GBE1: variants seen among roughly 807,000 people sequenced by gnomAD.
GBE1 encodes 1,4-alpha-glucan-branching enzyme.
GBE1 carries 70 observed loss-of-function variants against 88.8 expected under a neutral mutation model. That is an observed-to-expected ratio of 0.79 (90% CI 0.65 to 0.96). The LOEUF is 0.96. GBE1 is among the 40% of genes least tolerant of loss of function. GBE1 has a pLI of 0.00. For synonymous variants in GBE1, 284 were observed against 300.1 expected, an observed-to-expected ratio of 0.95 and a Z score of 0.56; for missense variants, 872 against 871.0, an observed-to-expected ratio of 1.00 and a Z score of -0.01.
At chr3:81,575,175 A>T (rs553681566) in intron 12 of GBE1, among the ~76,000 whole-genome samples, 230 of 152,152 alleles carry the variant, frequency 1.5e-3, no homozygotes, top group African/African-American at 5.2e-3. Context: ...AAAAAAAAAA[A>T]AAAAAGTAGA....
intron 12 of GBE1, among the ~76,000 whole-genome samples, chr3:81,573,129 C>G (rs1466867702): frequency 6.6e-6 from 1 of 151,996 alleles, no homozygotes; most frequent in Non-Finnish European, 1.5e-5. Flanking sequence ...ACCATTAATA[C>G]TAGTTCTAAC....
chr3:81,689,414 C>T (rs1705486572), intron 2 of GBE1, among the ~76,000 whole-genome samples: 1 of 152,114 alleles, frequency 6.6e-6, no homozygotes, highest in South Asian at 2.1e-4. Context: ...AGGGCAATTC[C>T]GTTAAAATAA....
intron 1 of GBE1, among the ~76,000 whole-genome samples, chr3:81,759,731 C>T (rs1559711847): frequency 6.6e-6 from 1 of 152,098 alleles, no homozygotes; most frequent in Non-Finnish European, 1.5e-5. Flanking sequence ...TTGTTCCCTT[C>T]ATTAGTTTTG....
chr3:81,497,857 C>T (rs899855436), intron 15 of GBE1, among the ~76,000 whole-genome samples: 5 of 152,136 alleles, frequency 3.3e-5, no homozygotes, highest in South Asian at 2.1e-4. Context: ...TGGTAATATT[C>T]GTATTCACTT....
chr3:81,659,891 T>G (rs1045129822), intron 3 of GBE1, among the ~76,000 whole-genome samples: 1 of 152,232 alleles, frequency 6.6e-6, no homozygotes, highest in Non-Finnish European at 1.5e-5. Context: ...AATGATGAGA[T>G]GAATTCCTCT....
chr3:81,512,168 A>C lies in GBE1; in HGVS notation c.1935-12941T>G, dbSNP rs549099648. On this transcript the variant is annotated intron_variant, in intron 14 of 15. Transcript: ENST00000429644. ...TGGGTACACATGAACATAAAGATGG[A>C]AACAATAGATACTGGGGATTACTAG... Among the ~76,000 whole-genome samples the C allele has an allele frequency of 5.9e-5, 9 of 152,020 alleles. No individual in the cohort carries two copies. In the South Asian group the frequency reaches 1.9e-3, roughly 31 times the overall value.
intron 12 of GBE1, among the ~76,000 whole-genome samples, chr3:81,575,959 T>C (rs1025275886): frequency 2.0e-5 from 3 of 152,182 alleles, no homozygotes; most frequent in African/African-American, 7.2e-5. Context: ...TCTCTTACTA[T>C]TTCTAGTTTT....
intron 14 of GBE1, among the ~76,000 whole-genome samples, chr3:81,503,273 C>A (rs1209973352): frequency 1.3e-5 from 2 of 151,644 alleles, no homozygotes; most frequent in African/African-American, 4.8e-5. Flanking sequence ...GTAAATAGAG[C>A]AAAAAGCAAT....
chr3:81,538,017 A>G (rs1703098822), intron 12 of GBE1, among the ~76,000 whole-genome samples: 1 of 151,950 alleles, frequency 6.6e-6, no homozygotes, highest in Non-Finnish European at 1.5e-5. Flanking sequence ...TTCAATTTCT[A>G]CTTTAAGCCT....
intron 2 of GBE1, among the ~76,000 whole-genome samples, chr3:81,696,318 C>T (rs1576203163): frequency 6.6e-6 from 1 of 152,164 alleles, no homozygotes; most frequent in East Asian, 1.9e-4. Context: ...TTCTGTAAAC[C>T]TCTCCACAAT....
intron 7 of GBE1, among the ~76,000 whole-genome samples, chr3:81,627,583 G>T (rs560164588): frequency 2.0e-5 from 3 of 152,040 alleles, no homozygotes; most frequent in Non-Finnish European, 4.4e-5. Context: ...AAAATAAAGA[G>T]GGAAGGACCT....
intron 7 of GBE1, among the ~76,000 whole-genome samples, chr3:81,618,307 C>T (rs1423641381): frequency 3.9e-5 from 6 of 152,038 alleles, no homozygotes; most frequent in East Asian, 3.9e-4. Flanking sequence ...TATAGTTGGC[C>T]TACAGCCTTA....
intron 7 of GBE1, among the ~76,000 whole-genome samples, chr3:81,603,795 C>A (rs1373540916): frequency 1.3e-5 from 2 of 152,024 alleles, no homozygotes; most frequent in African/African-American, 2.4e-5. Context: ...CATGCCCAGC[C>A]TATAAATTTA....
intron 14 of GBE1, among the ~76,000 whole-genome samples, chr3:81,520,241 C>T (rs1012230698): frequency 6.6e-6 from 1 of 151,452 alleles, no homozygotes; most frequent in African/African-American, 2.4e-5. Flanking sequence ...GAAACCCTGG[C>T]TGGGCAACTC....
chr3:81,692,450 GAAAACATT>G (rs1223896857), intron 2 of GBE1, among the ~76,000 whole-genome samples: 3 of 152,132 alleles, frequency 2.0e-5, no homozygotes, highest in African/African-American at 7.2e-5. Context: ...CCCATCAGGT[GAAAACATT>G]AAAACACCAG....
chr3:81,692,898 C>T (rs766673493), intron 2 of GBE1, among the ~76,000 whole-genome samples: 11 of 152,176 alleles, frequency 7.2e-5, no homozygotes, highest in Non-Finnish European at 1.6e-4. Context: ...AACTCATCTG[C>T]ATTGAATGAC....
At chr3:81,564,232 A>C (rs114268342) in intron 12 of GBE1, among the ~76,000 whole-genome samples, 1 of 152,208 alleles carries the variant, frequency 6.6e-6, no homozygotes, top group Non-Finnish European at 1.5e-5. Flanking sequence ...GAGGCATGAG[A>C]ACAGAGGTGG....
intron 14 of GBE1, among the ~76,000 whole-genome samples, chr3:81,510,896 C>T (rs531641952): frequency 2.0e-5 from 3 of 151,780 alleles, no homozygotes; most frequent in South Asian, 2.1e-4. Flanking sequence ...GAGAGCTGAC[C>T]GTAAGCATTC....
intron 1 of GBE1, among the ~76,000 whole-genome samples, chr3:81,737,372 T>A (rs1559703756): frequency 2.2e-4 from 7 of 31,296 alleles, no homozygotes; most frequent in East Asian, 3.3e-3. Flanking sequence ...TATATTTATA[T>A]ATATTTTTAT....
Sources: allele counts gnomAD v4.1 joint callset (sites outside exome capture counted in the v4.1 genomes callset), GRCh38; gene constraint gnomAD v4.1.1; transcripts MANE v1.5; gene names NCBI Gene and HGNC (gene_info 2026-07-23, HGNC 2026-07-21).